AGBL1: variants seen among roughly 807,000 people sequenced by gnomAD.
AGBL1 encodes the protein cytosolic carboxypeptidase 4.
In AGBL1, 130 loss-of-function variants were observed where a neutral mutation model predicts 118.9. The observed-to-expected ratio is 1.09, with a 90% CI of 0.95 to 1.26. The LOEUF (loss-of-function observed/expected upper bound fraction) is 1.26, where lower values mean the gene tolerates loss of function less well. AGBL1 is among the 50% of genes most tolerant of loss of function. The pLI is 0.00. For missense variants in AGBL1, 1,584 were observed against 1,298.1 expected, an observed-to-expected ratio of 1.22 and a Z score of -3.38; for synonymous variants, 555 against 478.9, an observed-to-expected ratio of 1.16 and a Z score of -2.08.
At chr15:86,453,225 G>A (rs771001069) in intron 18 of AGBL1, among the ~76,000 whole-genome samples, 1 of 152,120 alleles carries the variant, frequency 6.6e-6, no homozygotes, top group Non-Finnish European at 1.5e-5. Context: ...GAAATAAAAG[G>A]TTGTAAGGGA....
chr15:86,121,196 C>T (rs1270795961), intron 1 of AGBL1, among the ~76,000 whole-genome samples: 2 of 152,078 alleles, frequency 1.3e-5, no homozygotes, highest in African/African-American at 4.8e-5. Context: ...CTGTGCCTGG[C>T]CCACTTTTAT....
At chr15:86,559,926 G>A (rs1270095229) in intron 21 of AGBL1, among the ~76,000 whole-genome samples, 1 of 152,126 alleles carries the variant, frequency 6.6e-6, no homozygotes, top group Non-Finnish European at 1.5e-5. Context: ...CAGATCTGCA[G>A]CAACAGGTGA....
intron 24 of AGBL1, among the ~76,000 whole-genome samples, chr15:87,001,593 C>A (rs565316747): frequency 6.6e-6 from 1 of 152,164 alleles, no homozygotes; most frequent in South Asian, 2.1e-4. Flanking sequence ...TACAGTCCCA[C>A]CAACAGTGTA....
chr15:86,562,423 C>T (rs2083839426), intron 21 of AGBL1, among the ~76,000 whole-genome samples: 2 of 152,166 alleles, frequency 1.3e-5, no homozygotes, highest in South Asian at 2.1e-4. Context: ...GTCTTTGCTT[C>T]TGTTTATATG....
chr15:86,672,705 C>A (rs183083602), intron 21 of AGBL1, among the ~76,000 whole-genome samples: 83 of 151,658 alleles, frequency 5.5e-4, no homozygotes, highest in Admixed American at 2.4e-3. Flanking sequence ...ACTCAGATTT[C>A]TCTTTCTTTA....
intron 22 of AGBL1, among the ~76,000 whole-genome samples, chr15:86,708,853 C>T (rs976421968): frequency 6.6e-6 from 1 of 152,136 alleles, no homozygotes; most frequent in African/African-American, 2.4e-5. Flanking sequence ...AGCTACCCAG[C>T]ACTCTTGTTA....
intron 17 of AGBL1, among the ~76,000 whole-genome samples, chr15:86,297,905 C>T (rs1466957553): frequency 6.6e-6 from 1 of 152,108 alleles, no homozygotes; most frequent in Admixed American, 6.6e-5. Flanking sequence ...ACTCTTGGAG[C>T]CATAACTTCC....
At chr15:86,279,853 T>C (rs1439636434) in intron 16 of AGBL1, 70 bp downstream of exon 16, 1 of 1,559,044 alleles carries the variant, frequency 6.4e-7, no homozygotes, top group Non-Finnish European at 8.8e-7. Context: ...TGGGAACATT[T>C]TGGAGACCCT....
intron 22 of AGBL1, among the ~76,000 whole-genome samples, chr15:86,793,762 GACAA>G (rs1264693997): frequency 1.3e-5 from 2 of 152,190 alleles, no homozygotes; most frequent in Middle Eastern, 3.4e-3. Context: ...ACAACAAAAA[GACAA>G]ACAACCCAAT....
Position 86,405,924 on chromosome 15 carries a change from C to A in AGBL1, c.2555+8378C>A, listed in dbSNP as rs186124940. On this transcript the variant is annotated intron_variant, in intron 18 of 22. Coordinates refer to ENST00000614907, the MANE Select transcript of AGBL1 (RefSeq NM_001386094.1). Reference sequence around the variant, plus strand: ...CAGAGGAGGAGTTACCAGAACCTAGCAGGTTGAGGGGCTCCATGAGGCTGG... The same window carrying A: ...CAGAGGAGGAGTTACCAGAACCTAGAAGGTTGAGGGGCTCCATGAGGCTGG... Among the ~76,000 whole-genome samples, 236 of 151,962 alleles carry A rather than the reference C, an allele frequency of 1.6e-3. 4 individuals are homozygous for A. Among genetic ancestry groups the A allele is most frequent in the Non-Finnish European group, 2.4e-3 (160 of 67,998 alleles).
intron 22 of AGBL1, among the ~76,000 whole-genome samples, chr15:86,799,359 T>C (rs2078618731): frequency 6.6e-6 from 1 of 152,098 alleles, no homozygotes; most frequent in South Asian, 2.1e-4. Context: ...ATCCTTGATT[T>C]CTTGAAAAAT....
chr15:86,400,854 A>T (rs1420998974), intron 18 of AGBL1, among the ~76,000 whole-genome samples: 1 of 152,040 alleles, frequency 6.6e-6, no homozygotes, highest in East Asian at 1.9e-4. Context: ...CATTTTCTTT[A>T]TCCACTCATA....
intron 5 of AGBL1, among the ~76,000 whole-genome samples, chr15:86,219,255 T>C (rs2078240003): frequency 6.6e-6 from 1 of 152,192 alleles, no homozygotes; most frequent in South Asian, 2.1e-4. Flanking sequence ...CCACCTTCCA[T>C]GATCCAAGAA....
intron 23 of AGBL1, among the ~76,000 whole-genome samples, chr15:86,943,045 C>T (rs935993975): frequency 6.6e-5 from 10 of 152,266 alleles, no homozygotes; most frequent in East Asian, 1.9e-4. Context: ...GTTTTTGTAA[C>T]GTCATTACCC....
At chr15:86,086,152 A>T (rs1479407493) in intron 1 of AGBL1, 1 of 152,224 alleles carries the variant, frequency 6.6e-6, no homozygotes, top group African/African-American at 2.4e-5. Context: ...CAATTTACTC[A>T]GTTTCTAAAA....
At chr15:86,872,233 T>A (rs79790634) in intron 22 of AGBL1, among the ~76,000 whole-genome samples, 1,537 of 152,266 alleles carry the variant, frequency 0.01, 12 homozygotes, top group Middle Eastern at 0.017. Flanking sequence ...TCTCATCAGG[T>A]CCCCTTGCAT....
chr15:86,741,294 A>C (rs1038790348), intron 22 of AGBL1, among the ~76,000 whole-genome samples: 1 of 147,330 alleles, frequency 6.8e-6, no homozygotes, highest in Middle Eastern at 3.5e-3. Flanking sequence ...GCAAAGTGTC[A>C]CATCAGGTTA....
At chr15:86,899,873 G>C (rs948161871) in intron 22 of AGBL1, among the ~76,000 whole-genome samples, 3 of 152,140 alleles carry the variant, frequency 2.0e-5, no homozygotes, top group African/African-American at 7.2e-5. Flanking sequence ...TGCCAAAGGA[G>C]ATTAACATTT....
chr15:86,632,081 C>T (rs2084980313), intron 21 of AGBL1, among the ~76,000 whole-genome samples: 1 of 151,402 alleles, frequency 6.6e-6, no homozygotes, highest in Admixed American at 6.6e-5. Flanking sequence ...CTGCGCAAGC[C>T]TAGGGAGACC....
Sources: allele counts gnomAD v4.1 joint callset (sites outside exome capture counted in the v4.1 genomes callset), GRCh38; gene constraint gnomAD v4.1.1; transcripts MANE v1.5; gene names NCBI Gene and HGNC (gene_info 2026-07-23, HGNC 2026-07-21).